The following TGFB1I1 variants were observed in gnomAD, a reference collection of about 807,000 sequenced individuals.
TGFB1I1 encodes the protein transforming growth factor beta 1 induced transcript 1.
TGFB1I1 carries 33 observed loss-of-function variants against 52.0 expected under a neutral mutation model. The observed-to-expected ratio is 0.63, with a 90% CI of 0.48 to 0.85. The LOEUF (loss-of-function observed/expected upper bound fraction) is 0.85. TGFB1I1 is among the 40% of genes least tolerant of loss of function. The pLI, the probability that TGFB1I1 is intolerant of heterozygous loss-of-function variation, is 0.00. For missense variants in TGFB1I1, 577 were observed against 614.9 expected, an observed-to-expected ratio of 0.94 and a Z score of 0.65; for synonymous variants, 236 against 253.3, an observed-to-expected ratio of 0.93 and a Z score of 0.65.
rs937162107 is a variant in TGFB1I1 at position 31,476,774 on chromosome 16, C to A, written c.971-88C>A. 2 of 1,577,398 alleles carry A rather than the reference C, an allele frequency of 1.3e-6. No individual in the cohort carries two copies. The highest frequency in any genetic ancestry group is 2.7e-5 in the African/African-American group (2 of 73,678). On this transcript the variant is annotated intron_variant, in intron 9 of 10. Transcript: ENST00000394863. This position sits in a 1 kb window ranked among gnomAD's most constrained non-coding sequence, Gnocchi z 7.6. ...CTTCCCCAAGGCTCCCTCGGACTGCCCCTCCTTCGGCCCCAGATCTCAGGT... is the reference window on the plus strand; with the variant it reads ...CTTCCCCAAGGCTCCCTCGGACTGCACCTCCTTCGGCCCCAGATCTCAGGT...
Position 31,477,931 on chromosome 16 carries a change from A to G in TGFB1I1, c.*355A>G, listed in dbSNP as rs1596614079. ...CCTCACTGTTCTGTGCACTTTTTCT[A>G]CCTACATAAACACACGCATTCCACC... On this transcript the variant is annotated 3_prime_UTR_variant, in exon 11 of 11. Transcript: ENST00000394863. This position sits in a 1 kb window ranked among gnomAD's most constrained non-coding sequence, Gnocchi z 4.7. 5 of 287,822 alleles carry G rather than the reference A, an allele frequency of 1.7e-5. No homozygotes were observed. The East Asian group carries it at 3.2e-4, about 19-fold the overall frequency. 17.8% of individuals were successfully genotyped at this position (287,822 alleles called of 1,614,324 possible). A position where few individuals can be genotyped will look rare whatever the true frequency, so the allele number is the denominator to read the frequency against.
At position 31,476,296 on chromosome 16, in the gene TGFB1I1, C is replaced by T. The variant is rs1187466230; in HGVS notation, c.888+111C>T. 2.2e-6 allele frequency: 3 copies of T among 1,386,460 alleles called. No homozygotes were observed. In the East Asian group the frequency reaches 7.2e-5, roughly 33 times the overall value. The allele number at this position is 1,386,460 out of a possible 1,614,324, so 85.9% of individuals were successfully genotyped here. A position where few individuals can be genotyped will look rare whatever the true frequency, so the allele number is the denominator to read the frequency against. ...CCCGCGATACCCCACTCCACCCCTA[C>T]CCCTTCCCCTTGGCAATGTCCACGG... On this transcript the variant is annotated intron_variant, in intron 8 of 10. Transcript: ENST00000394863. This position sits in a 1 kb window ranked among gnomAD's most constrained non-coding sequence, Gnocchi z 7.6.
intron 1 of TGFB1I1, 121 bp downstream of exon 1, chr16:31,472,322 C>T (rs1456518421): frequency 5.9e-6 from 8 of 1,345,510 alleles, no homozygotes; most frequent in Non-Finnish European, 6.7e-6. Context: ...CGCCTCTGCC[C>T]GCGCCTCCTT....
chr16:31,474,567 C>T lies in TGFB1I1; in HGVS notation c.524C>T (p.Pro175Leu). 6.2e-7 allele frequency: 1 copy of T among 1,608,552 alleles called. No individual in the cohort carries two copies. Among genetic ancestry groups the T allele is most frequent in the Non-Finnish European group, 8.5e-7 (1 of 1,176,184 alleles). Residue 175 changes from proline (P) to leucine (L), a missense_variant, in exon 7 of 11, where the codon CCA (proline) becomes CTA (leucine). This residue lies in a region of TGFB1I1 where 456 missense variants were observed against 461.6 expected (regional missense o/e 0.99). Coordinates refer to ENST00000394863, the MANE Select transcript of TGFB1I1 (RefSeq NM_001042454.3). The surrounding 1 kb of genome is among the most constrained non-coding windows in gnomAD (Gnocchi z 4.2). ...LSDFRVQNHL[P>L]ASGPTQPPVV... ...CTCATGTCCTCCCCGCTGCAGCTTC[C>T]AGCCTCTGGGCCAACTCAGCCACCG... is the stretch of plus-strand genomic sequence containing the variant.
At position 31,476,112 on chromosome 16, in the gene TGFB1I1, C is replaced by G; in HGVS notation, c.815C>G (p.Ala272Gly). 6.2e-7 allele frequency: 1 copy of G among 1,613,830 alleles called. No homozygotes were observed. Among genetic ancestry groups the G allele is most frequent in the East Asian group, 2.2e-5 (1 of 44,860 alleles). The change falls in exon 8 of 11, where the codon GCC (alanine) becomes GGC (glycine). Residue 272 changes from alanine to glycine, a missense_variant. Ala to Gly is a moderately conservative substitution (Grantham distance 60). This residue lies in a region of TGFB1I1 where 456 missense variants were observed against 461.6 expected (regional missense o/e 0.99). Coordinates refer to ENST00000394863, the MANE Select transcript of TGFB1I1 (RefSeq NM_001042454.3). The surrounding 1 kb of genome is among the most constrained non-coding windows in gnomAD (Gnocchi z 7.6). ...AGCAGCTTCTTCGAGAAGGATGGAG[C>G]CCCCTTCTGCCCCGAGTGCTACTTT... The part of the protein sequence containing the change: ...GGSSFFEKDG[A>G]PFCPECYFER...
At chr16:31,475,982 G>C (rs769806994) in intron 7 of TGFB1I1, 30 bp from the exon 8 acceptor site, 1 of 1,600,420 alleles carries the variant, frequency 6.2e-7, no homozygotes, top group South Asian at 1.1e-5. Context: ...TGTCAGAGCC[G>C]CTCTGACCCG....
chr16:31,477,269 C>A lies in TGFB1I1; in HGVS notation c.1120-41C>A. On this transcript the variant is annotated intron_variant, in intron 10 of 10. Transcript: ENST00000394863. This position sits in a 1 kb window ranked among gnomAD's most constrained non-coding sequence, Gnocchi z 4.7. ...GTAACGCGCGTTGTCTGGCAGTGGC[C>A]GCTGACCTGTCTGTCCTCTTTCGCG... The A allele has an allele frequency of 6.4e-7, 1 of 1,569,766 alleles. No homozygotes were observed. The highest frequency in any genetic ancestry group is 8.7e-7 in the Non-Finnish European group (1 of 1,154,626).
Position 31,476,167 on chromosome 16 carries a change from C to T in TGFB1I1, c.870C>T (p.Cys290=). 1 of 1,612,950 alleles carries T rather than the reference C, an allele frequency of 6.2e-7. No homozygotes were observed. Among genetic ancestry groups the T allele is most frequent in the Non-Finnish European group, 8.5e-7 (1 of 1,179,922 alleles). The change falls in exon 8 of 11, where the codon TGC becomes TGT. Residue 290 remains cysteine, a synonymous_variant. Transcript: ENST00000394863. The surrounding 1 kb of genome is among the most constrained non-coding windows in gnomAD (Gnocchi z 7.6). The part of the protein sequence containing the change: ...FERFSPRCGF[C]NQPIRHKMVT... ...GCTTCTCGCCAAGATGTGGCTTCTGCAACCAGCCCATCCGACACGTGAGCC... is the reference window on the plus strand; with the variant it reads ...GCTTCTCGCCAAGATGTGGCTTCTGTAACCAGCCCATCCGACACGTGAGCC...
chr16:31,473,472 C>T lies in TGFB1I1; in HGVS notation c.45C>T (p.Thr15=). Reference sequence around the variant, plus strand: ...TGCTCTCTGACCTGGAGACTACCACCTCGCACATGCCAAGGTCAGGGGCTC... The same window carrying T: ...TGCTCTCTGACCTGGAGACTACCACTTCGCACATGCCAAGGTCAGGGGCTC... ...DALLSDLETT[T]SHMPRSGAPK... The change falls in exon 2 of 11, where the codon ACC becomes ACT. Residue 15 remains threonine, a synonymous_variant. Transcript: ENST00000394863. The T allele has an allele frequency of 6.2e-7, 1 of 1,613,916 alleles. No homozygotes were observed. Among genetic ancestry groups the T allele is most frequent in the East Asian group, 2.2e-5 (1 of 44,878 alleles).
rs2082422341 is a variant in TGFB1I1 at position 31,476,198 on chromosome 16, C to T, written c.888+13C>T. 6.2e-7 allele frequency: 1 copy of T among 1,607,872 alleles called. No individual in the cohort carries two copies. Among genetic ancestry groups the T allele is most frequent in the African/African-American group, 1.3e-5 (1 of 74,872 alleles). On this transcript the variant is annotated intron_variant, in intron 8 of 10. Coordinates refer to ENST00000394863, the MANE Select transcript of TGFB1I1 (RefSeq NM_001042454.3). The surrounding 1 kb of genome is among the most constrained non-coding windows in gnomAD (Gnocchi z 7.6). Reference sequence around the variant, plus strand: ...GCCCATCCGACACGTGAGCCCCGCCCGGCCGCACCGAGCCCGCCCTATCTC... The same window carrying T: ...GCCCATCCGACACGTGAGCCCCGCCTGGCCGCACCGAGCCCGCCCTATCTC...
At chr16:31,473,226 G>C in intron 1 of TGFB1I1, 1 of 1,368,588 alleles carries the variant, frequency 7.3e-7, no homozygotes, top group Non-Finnish European at 9.4e-7. Context: ...TAATCAGGAG[G>C]CTGGGTTTGT....
At position 31,477,933 on chromosome 16, in the gene TGFB1I1, C is replaced by T; in HGVS notation, c.*357C>T. On this transcript the variant is annotated 3_prime_UTR_variant, in exon 11 of 11. Coordinates refer to ENST00000394863, the MANE Select transcript of TGFB1I1 (RefSeq NM_001042454.3). This position sits in a 1 kb window ranked among gnomAD's most constrained non-coding sequence, Gnocchi z 4.7. Reference sequence around the variant, plus strand: ...TCACTGTTCTGTGCACTTTTTCTACCTACATAAACACACGCATTCCACCTC... The same window carrying T: ...TCACTGTTCTGTGCACTTTTTCTACTTACATAAACACACGCATTCCACCTC... The T allele has an allele frequency of 6.8e-6, 2 of 294,242 alleles. No homozygotes were observed. Among genetic ancestry groups the T allele is most frequent in the Non-Finnish European group, 6.3e-6 (1 of 158,036 alleles). The allele number at this position is 294,242 out of a possible 1,614,324, so 18.2% of individuals were successfully genotyped here. A position where few individuals can be genotyped will look rare whatever the true frequency, so the allele number is the denominator to read the frequency against.
In TGFB1I1 at chr16:31,474,052, A is replaced by G. The variant is rs1302263754; in HGVS notation, c.325+75A>G. ...AAGGGTGGGGCAGAGACTAAGAGGA[A>G]TACACTTCCCAGAGTAGCAGTTAAA... On this transcript the variant is annotated intron_variant, in intron 4 of 10. Coordinates refer to ENST00000394863, the MANE Select transcript of TGFB1I1 (RefSeq NM_001042454.3). The surrounding 1 kb of genome is among the most constrained non-coding windows in gnomAD (Gnocchi z 4.2). 263 of 1,610,990 alleles carry G rather than the reference A, an allele frequency of 1.6e-4. No homozygotes were observed. Among genetic ancestry groups the G allele is most frequent in the Non-Finnish European group, 5.0e-5 (59 of 1,177,896 alleles).
intron 7 of TGFB1I1, chr16:31,475,708 C>T (rs1240861228): frequency 7.5e-6 from 2 of 265,572 alleles, no homozygotes; most frequent in Non-Finnish European, 1.4e-5. Flanking sequence ...ATTAGAGGCA[C>T]GAGCCACCCA....
intron 1 of TGFB1I1, 70 bp downstream of exon 1, chr16:31,472,271 C>G: frequency 7.0e-7 from 1 of 1,424,384 alleles, no homozygotes; most frequent in Non-Finnish European, 9.2e-7. Flanking sequence ...CGCCGTCGCT[C>G]TCCCGCATCT....
Position 31,477,211 on chromosome 16 carries a change from G to T in TGFB1I1, c.1120-99G>T. The T allele has an allele frequency of 6.7e-7, 1 of 1,496,106 alleles. No homozygotes were observed. Among genetic ancestry groups the T allele is most frequent in the Non-Finnish European group, 9.0e-7 (1 of 1,115,094 alleles). 92.7% of individuals were successfully genotyped at this position (1,496,106 alleles called of 1,614,324 possible). A position where few individuals can be genotyped will look rare whatever the true frequency, so the allele number is the denominator to read the frequency against. ...CCGGACGGGATTCTTCGCGTCTAGGGCGGGCTGCGGGGTCCCAGGGCGTTA... is the reference window on the plus strand; with the variant it reads ...CCGGACGGGATTCTTCGCGTCTAGGTCGGGCTGCGGGGTCCCAGGGCGTTA... On this transcript the variant is annotated intron_variant, in intron 10 of 10. Coordinates refer to ENST00000394863, the MANE Select transcript of TGFB1I1 (RefSeq NM_001042454.3). This position sits in a 1 kb window ranked among gnomAD's most constrained non-coding sequence, Gnocchi z 4.7.
rs1596612820 is a variant in TGFB1I1, at chr16:31,476,355, A to T, written c.889-126A>T. ...ACTCCACTCTTCCTTTCTGACCCCC[A>T]CGTTCCTAGTTAGATCTTCTCCCCC... On this transcript the variant is annotated intron_variant, in intron 8 of 10. Coordinates refer to ENST00000394863, the MANE Select transcript of TGFB1I1 (RefSeq NM_001042454.3). The surrounding 1 kb of genome is among the most constrained non-coding windows in gnomAD (Gnocchi z 7.6). The T allele has an allele frequency of 4.9e-6, 5 of 1,022,668 alleles. No homozygotes were observed. Among genetic ancestry groups the T allele is most frequent in the Non-Finnish European group, 6.5e-6 (5 of 764,818 alleles). The allele number at this position is 1,022,668 out of a possible 1,614,324, so 63.3% of individuals were successfully genotyped here.
chr16:31,476,356 C>T lies in TGFB1I1; in HGVS notation c.889-125C>T. ...CTCCACTCTTCCTTTCTGACCCCCACGTTCCTAGTTAGATCTTCTCCCCCT... is the reference window on the plus strand; with the variant it reads ...CTCCACTCTTCCTTTCTGACCCCCATGTTCCTAGTTAGATCTTCTCCCCCT... On this transcript the variant is annotated intron_variant, in intron 8 of 10. Transcript: ENST00000394863. This position sits in a 1 kb window ranked among gnomAD's most constrained non-coding sequence, Gnocchi z 7.6. The T allele has an allele frequency of 8.1e-7, 1 of 1,231,332 alleles. No individual in the cohort carries two copies. The highest frequency in any genetic ancestry group is 1.1e-6 in the Non-Finnish European group (1 of 883,862). The allele number at this position is 1,231,332 out of a possible 1,614,324, so 76.3% of individuals were successfully genotyped here. A position where few individuals can be genotyped will look rare whatever the true frequency, so the allele number is the denominator to read the frequency against.
At position 31,477,497 on chromosome 16, in the gene TGFB1I1, G is replaced by T; in HGVS notation, c.1307G>T (p.Arg436Leu). 1 of 1,608,356 alleles carries T rather than the reference G, an allele frequency of 6.2e-7. No homozygotes were observed. The highest frequency in any genetic ancestry group is 8.5e-7 in the Non-Finnish European group (1 of 1,177,970). The change falls in exon 11 of 11, where the codon CGC (arginine) becomes CTC (leucine). Residue 436 changes from arginine to leucine, a missense_variant. Coordinates refer to ENST00000394863, the MANE Select transcript of TGFB1I1 (RefSeq NM_001042454.3). This position sits in a 1 kb window ranked among gnomAD's most constrained non-coding sequence, Gnocchi z 4.7. ...PDHFTCTFCLRPLTKGSFQER... is the reference protein window; with the variant it reads ...PDHFTCTFCLLPLTKGSFQER... ...CACTTCACATGCACCTTCTGCCTGC[G>T]CCCGCTCACCAAGGGGTCCTTCCAG... is the stretch of plus-strand genomic sequence containing the variant.
Sources: allele counts gnomAD v4.1 joint callset, GRCh38; gene constraint gnomAD v4.1.1; regional missense constraint gnomAD v4.1.1; non-coding constraint Gnocchi (gnomAD v3.1); transcripts MANE v1.5; gene names NCBI Gene and HGNC (gene_info 2026-07-23, HGNC 2026-07-21).